Variants in ATP2A2 observed in about 807,000 individuals in gnomAD.
ATP2A2 encodes sarcoplasmic/endoplasmic reticulum calcium ATPase 2.
Under a neutral mutation model 109.3 loss-of-function variants are expected in ATP2A2, and 14 were observed. The ratio of observed to expected loss-of-function variants is 0.13; its 90% CI spans 0.08 to 0.20. The LOEUF is 0.20. ATP2A2 is among the 10% of genes least tolerant of loss of function. The pLI, the probability that ATP2A2 is intolerant of heterozygous loss-of-function variation, is 1.00. For missense variants in ATP2A2, 657 were observed against 1,321.6 expected, an observed-to-expected ratio of 0.50 and a Z score of 7.80; for synonymous variants, 506 against 490.9, an observed-to-expected ratio of 1.03 and a Z score of -0.41.
chr12:110,299,437 G>T lies in ATP2A2; in HGVS notation c.463+2700G>T, dbSNP rs554049010. On this transcript the variant is annotated intron_variant, in intron 5 of 19. Coordinates refer to ENST00000539276, the MANE Select transcript of ATP2A2 (RefSeq NM_170665.4). ...TAAGAATAATGAAGGAAAGATTTTT[G>T]AGTTCATGAATAGTGGCTCTTAAGC... 3.3e-5 allele frequency among the ~76,000 whole-genome samples: 5 copies of T among 152,218 alleles called. No individual in the cohort carries two copies. The East Asian group carries it at 9.6e-4, about 29-fold the overall frequency.
intron 8 of ATP2A2, chr12:110,329,805 A>G (rs888041471): frequency 1.3e-5 from 2 of 152,262 alleles, no homozygotes; most frequent in African/African-American, 4.8e-5. Context: ...AAATAATGCA[A>G]TAATTATACA....
Position 110,347,943 on chromosome 12 carries a change from G to T in ATP2A2, c.*1473G>T. On this transcript the variant is annotated 3_prime_UTR_variant, in exon 20 of 20. Transcript: ENST00000539276. ...TGTGAGCACCGGGGTTGCCTGTGGC[G>T]CCTGCCATGTGACTCGGGCGCAGCA... The T allele has an allele frequency of 4.1e-6, 4 of 987,126 alleles. No homozygotes were observed. In the South Asian group the frequency reaches 1.4e-4, roughly 35 times the overall value. 61.1% of individuals were successfully genotyped at this position (987,126 alleles called of 1,614,324 possible).
chr12:110,329,971 G>A (rs1041695810), intron 8 of ATP2A2: 1 of 152,192 alleles, frequency 6.6e-6, no homozygotes, highest in East Asian at 1.9e-4. Flanking sequence ...ATTTGAGGAA[G>A]TGTTCAATAT....
intron 4 of ATP2A2, among the ~76,000 whole-genome samples, chr12:110,294,017 T>C (rs1382328418): frequency 6.6e-6 from 1 of 151,028 alleles, no homozygotes; most frequent in Non-Finnish European, 1.5e-5. Context: ...GCTGGGATTA[T>C]AGGTGACTGT....
intron 6 of ATP2A2, 134 bp downstream of exon 6, chr12:110,323,206 C>T (rs1397453269): frequency 3.9e-6 from 3 of 767,424 alleles, no homozygotes; most frequent in African/African-American, 3.4e-5. Flanking sequence ...TTTCTTAGTG[C>T]TTTAGTCTCG....
chr12:110,315,980 G>A (rs766596347), intron 5 of ATP2A2, among the ~76,000 whole-genome samples: 10 of 152,066 alleles, frequency 6.6e-5, no homozygotes, highest in East Asian at 1.9e-4. Flanking sequence ...CCAGCTACTC[G>A]GGAGGCTGAG....
At chr12:110,284,554 T>A (rs1289992506) in intron 3 of ATP2A2, among the ~76,000 whole-genome samples, 1 of 152,182 alleles carries the variant, frequency 6.6e-6, no homozygotes, top group Non-Finnish European at 1.5e-5. Flanking sequence ...AAATTAATGA[T>A]GTGTGTGGGT....
intron 14 of ATP2A2, 136 bp downstream of exon 14, chr12:110,341,130 C>T (rs979222004): frequency 7.1e-6 from 7 of 990,194 alleles, no homozygotes; most frequent in East Asian, 2.6e-5. Flanking sequence ...CTCTAGAATT[C>T]GGTGAATCAG....
chr12:110,350,497 A>G lies in ATP2A2; in HGVS notation c.*4027A>G. 1 of 852,460 alleles carries G rather than the reference A, an allele frequency of 1.2e-6. No homozygotes were observed. The highest frequency in any genetic ancestry group is 1.8e-6 in the Non-Finnish European group (1 of 547,528). The allele number at this position is 852,460 out of a possible 1,614,324, so 52.8% of individuals were successfully genotyped here. A position where few individuals can be genotyped will look rare whatever the true frequency, so the allele number is the denominator to read the frequency against. ...TGGGGTTGTTAGCTTTTAAATCAAA[A>G]TACTGATTACAGATGTACAATTTAG... On this transcript the variant is annotated 3_prime_UTR_variant, in exon 20 of 20. Transcript: ENST00000539276.
intron 5 of ATP2A2, among the ~76,000 whole-genome samples, chr12:110,308,303 G>A (rs150066891): frequency 4.5e-4 from 68 of 152,298 alleles, no homozygotes; most frequent in Middle Eastern, 3.4e-3. Context: ...TGATCGTAGG[G>A]GAAAGCATCC....
chr12:110,337,686 G>A (rs1878966322), intron 11 of ATP2A2, among the ~76,000 whole-genome samples: 1 of 152,178 alleles, frequency 6.6e-6, no homozygotes, highest in African/African-American at 2.4e-5. Context: ...GTGTCAGTGG[G>A]AGCAAATATA....
chr12:110,289,148 C>T (rs1872989463), intron 3 of ATP2A2, among the ~76,000 whole-genome samples: 1 of 152,124 alleles, frequency 6.6e-6, no homozygotes, highest in South Asian at 2.1e-4. Context: ...AGTTTGTTCC[C>T]CAGGCTTTAC....
intron 16 of ATP2A2, among the ~76,000 whole-genome samples, chr12:110,343,823 G>A (rs55823622): frequency 0.081 from 12,290 of 152,194 alleles, 547 homozygotes; most frequent in Middle Eastern, 0.11. Context: ...GAAGGGTTGC[G>A]CAGTGGCTGG....
chr12:110,348,417 G>A lies in ATP2A2; in HGVS notation c.*1947G>A. The A allele has an allele frequency of 2.0e-6, 2 of 985,524 alleles. No individual in the cohort carries two copies. The highest frequency in any genetic ancestry group is 2.4e-6 in the Non-Finnish European group (2 of 830,044). The allele number at this position is 985,524 out of a possible 1,614,324, so 61.0% of individuals were successfully genotyped here. A position where few individuals can be genotyped will look rare whatever the true frequency, so the allele number is the denominator to read the frequency against. On this transcript the variant is annotated 3_prime_UTR_variant, in exon 20 of 20. Coordinates refer to ENST00000539276, the MANE Select transcript of ATP2A2 (RefSeq NM_170665.4). ...AGGCCTCGACTATATTCTTCAAAAT[G>A]TACTTAGGCTCTGGTTACTGGGATG...
At chr12:110,295,419 C>T (rs529765188) in intron 4 of ATP2A2, among the ~76,000 whole-genome samples, 1 of 152,246 alleles carries the variant, frequency 6.6e-6, no homozygotes, top group African/African-American at 2.4e-5. Context: ...TTACCTCAGC[C>T]TCCCAAAAGT....
chr12:110,291,881 C>A (rs1386678001), intron 3 of ATP2A2, 139 bp from the exon 4 acceptor site: 5 of 751,982 alleles, frequency 6.6e-6, no homozygotes, highest in Non-Finnish European at 9.4e-6. Context: ...CTCTTGACCT[C>A]AGGTGATCGC....
intron 11 of ATP2A2, among the ~76,000 whole-genome samples, chr12:110,337,057 C>CTA (rs1218300904): frequency 6.6e-6 from 1 of 152,218 alleles, no homozygotes; most frequent in East Asian, 1.9e-4. Context: ...CACTGGCTCA[C>CTA]TAGCCAGTGA....
chr12:110,289,955 GT>G (rs1276543169), intron 3 of ATP2A2, among the ~76,000 whole-genome samples: 1 of 152,156 alleles, frequency 6.6e-6, no homozygotes, highest in Non-Finnish European at 1.5e-5. Context: ...TTACTTTGTA[GT>G]TTTTAAATCT....
At chr12:110,344,692 CCT>C (rs1382223262) in intron 16 of ATP2A2, among the ~76,000 whole-genome samples, 192 bp from the exon 17 acceptor site, 2 of 152,194 alleles carry the variant, frequency 1.3e-5, no homozygotes, top group African/African-American at 4.8e-5. Flanking sequence ...TAGAAACACC[CCT>C]GTCCTTCAGA....
Sources: gnomAD v4.1 joint callset for allele counts (sites outside exome capture counted in the v4.1 genomes callset) on GRCh38, gnomAD v4.1.1 for gene constraint, MANE v1.5 for transcripts, NCBI Gene and HGNC (gene_info 2026-07-23, HGNC 2026-07-21) for gene names.